The following SLC12A6 variants were observed in gnomAD, a reference collection of about 807,000 sequenced individuals.
SLC12A6 encodes the protein solute carrier family 12 member 6, also known as K-Cl cotransporter 3.
A neutral mutation model predicts 135.3 loss-of-function variants in SLC12A6; 66 were observed. The ratio of observed to expected loss-of-function variants is 0.49; its 90% confidence interval spans 0.40 to 0.60. The LOEUF (loss-of-function observed/expected upper bound fraction) is 0.60. Ranked by LOEUF, SLC12A6 falls within the 20% of genes least tolerant of loss-of-function variation. SLC12A6 has a pLI of 0.00. For missense variants in SLC12A6, 1,058 were observed against 1,452.3 expected (o/e 0.73, Z 4.41); for synonymous variants, 513 against 508.8 (o/e 1.01, Z -0.11).
intron 2 of SLC12A6, among the ~76,000 whole-genome samples, chr15:34,289,509 G>A (rs926085250): frequency 6.6e-6 from 1 of 152,118 alleles, no homozygotes; most frequent in Non-Finnish European, 1.5e-5. Context: ...GAGTTATGGA[G>A]GATTCCCTCT....
intron 18 of SLC12A6, 24 bp downstream of exon 18, chr15:34,241,209 T>G: frequency 8.5e-7 from 1 of 1,171,366 alleles, no homozygotes; most frequent in Non-Finnish European, 1.3e-6. Flanking sequence ...ATGTGCCAAA[T>G]ACTGCTAGTG....
intron 2 of SLC12A6, among the ~76,000 whole-genome samples, chr15:34,325,782 C>T (rs1889419576): frequency 6.6e-6 from 1 of 152,116 alleles, no homozygotes; most frequent in Non-Finnish European, 1.5e-5. Flanking sequence ...TATTTGAGTG[C>T]CCACTAAGTG....
chr15:34,267,519 A>T (rs1273581260), intron 3 of SLC12A6, among the ~76,000 whole-genome samples: 1 of 152,326 alleles, frequency 6.6e-6, no homozygotes, highest in African/African-American at 2.4e-5. Flanking sequence ...GCCTCTACTC[A>T]TTAGATGCCA....
chr15:34,301,242 G>A (rs1448651173), intron 2 of SLC12A6, among the ~76,000 whole-genome samples: 5 of 152,062 alleles, frequency 3.3e-5, no homozygotes, highest in South Asian at 2.1e-4. Flanking sequence ...CACCAGGCCC[G>A]GCCTCAACAT....
At chr15:34,267,790 C>T (rs1256133045) in intron 3 of SLC12A6, among the ~76,000 whole-genome samples, 1 of 152,180 alleles carries the variant, frequency 6.6e-6, no homozygotes, top group African/African-American at 2.4e-5. Flanking sequence ...ACTGTCCTTT[C>T]TCTCTGGCTG....
chr15:34,334,634 C>T (rs1890082278), intron 2 of SLC12A6, among the ~76,000 whole-genome samples: 1 of 152,090 alleles, frequency 6.6e-6, no homozygotes, highest in African/African-American at 2.4e-5. Context: ...GGGCAAAGTC[C>T]TCTCTAATGG....
chr15:34,255,513 C>A, intron 7 of SLC12A6, 121 bp from the exon 8 acceptor site: 1 of 740,082 alleles, frequency 1.4e-6, no homozygotes, highest in Non-Finnish European at 2.3e-6. Flanking sequence ...CTTCTGCAAA[C>A]CCTCAATGTG....
chr15:34,269,146 C>G (rs1313719568), intron 3 of SLC12A6, among the ~76,000 whole-genome samples: 1 of 152,198 alleles, frequency 6.6e-6, no homozygotes, highest in Non-Finnish European at 1.5e-5. Context: ...GTGTGAGCCA[C>G]TGCGCCCAGA....
At chr15:34,247,220 A>C (rs929615256) in intron 13 of SLC12A6, among the ~76,000 whole-genome samples, 9 of 152,190 alleles carry the variant, frequency 5.9e-5, no homozygotes, top group African/African-American at 2.2e-4. Context: ...TATCACACAC[A>C]AAAAGTAGTG....
intron 2 of SLC12A6, among the ~76,000 whole-genome samples, chr15:34,285,713 T>TACACACACACACACACACA (rs776596338): frequency 6.6e-5 from 3 of 45,164 alleles, no homozygotes; most frequent in African/African-American, 1.7e-4. Context: ...TGTGTGTGTG[T>TACACACACACACACACACA]TTGTCATACA....
At chr15:34,254,971 A>G (rs1892648853) in intron 8 of SLC12A6, among the ~76,000 whole-genome samples, 2 of 152,258 alleles carry the variant, frequency 1.3e-5, no homozygotes, top group Admixed American at 6.5e-5. Context: ...ATTTTATTTC[A>G]TAGGGATGAA....
In SLC12A6 at chr15:34,231,792, T is replaced by C. The variant is rs904695178; in HGVS notation, c.*2089A>G. 6.6e-6 allele frequency: 1 copy of C among 152,126 alleles called. No individual in the cohort carries two copies. The highest frequency in any genetic ancestry group is 1.5e-5 in the Non-Finnish European group (1 of 68,070). 9.4% of individuals were successfully genotyped at this position (152,126 alleles called of 1,614,324 possible). A position where few individuals can be genotyped will look rare whatever the true frequency, so the allele number is the denominator to read the frequency against. On this transcript the variant is annotated 3_prime_UTR_variant, in exon 26 of 26. Transcript: ENST00000354181. ...TTTTTGTAGAGACAGGGTTTCACCG[T>C]GTTAGCCAGGATGGTCTCAAATCTC... is the stretch of plus-strand genomic sequence containing the variant.
rs1456198966 is a variant in SLC12A6 at position 34,233,572 on chromosome 15, A to G, written c.*309T>C. On this transcript the variant is annotated 3_prime_UTR_variant, in exon 26 of 26. Transcript: ENST00000354181. ...TTTTTTCTTCAGTTGAATTTCTAGC[A>G]TCCCTTTTACCAATTCATTTATTGG... is the stretch of plus-strand genomic sequence containing the variant. 9 of 316,646 alleles carry G rather than the reference A, an allele frequency of 2.8e-5. No homozygotes were observed. Among genetic ancestry groups the G allele is most frequent in the Non-Finnish European group, 5.5e-5 (9 of 164,694 alleles). 19.6% of individuals were successfully genotyped at this position (316,646 alleles called of 1,614,324 possible).
rs201628991 is a variant in SLC12A6 at position 34,229,910 on chromosome 15, C to G, written c.*3971G>C. 4 of 847,588 alleles carry G rather than the reference C, an allele frequency of 4.7e-6. No individual in the cohort carries two copies. In the Admixed American group the frequency reaches 6.6e-5, roughly 14 times the overall value. The allele number at this position is 847,588 out of a possible 1,614,324, so 52.5% of individuals were successfully genotyped here. ...TTATGTTAAAAAGAACCAAAAGACTCTTTTCTCCATGGTGGGGTGACAGGT... is the reference window on the plus strand; with the variant it reads ...TTATGTTAAAAAGAACCAAAAGACTGTTTTCTCCATGGTGGGGTGACAGGT... On this transcript the variant is annotated 3_prime_UTR_variant, in exon 26 of 26. Transcript: ENST00000354181.
chr15:34,306,723 G>A (rs1896631862), intron 2 of SLC12A6, among the ~76,000 whole-genome samples: 2 of 152,216 alleles, frequency 1.3e-5, no homozygotes, highest in South Asian at 4.1e-4. Context: ...TGGCATGTAA[G>A]TCAAAAATTT....
intron 2 of SLC12A6, among the ~76,000 whole-genome samples, chr15:34,290,752 G>T (rs118160993): frequency 0.024 from 3,638 of 152,180 alleles, 149 homozygotes; most frequent in African/African-American, 0.084. Context: ...ATCTTTGTTG[G>T]TTTAAAGTCT....
chr15:34,314,363 T>C (rs1201436669), intron 2 of SLC12A6, among the ~76,000 whole-genome samples: 2 of 152,198 alleles, frequency 1.3e-5, no homozygotes, highest in African/African-American at 4.8e-5. Flanking sequence ...CCGAGTATTT[T>C]AAGCCCACTG....
chr15:34,260,444 G>A (rs942121210), intron 4 of SLC12A6, among the ~76,000 whole-genome samples: 4 of 151,668 alleles, frequency 2.6e-5, no homozygotes, highest in African/African-American at 9.8e-5. Flanking sequence ...AGTTTTAGTA[G>A]AGACGGGGTT....
Position 34,239,104 on chromosome 15 carries a change from C to T in SLC12A6, c.2493G>A (p.Val831=). The T allele has an allele frequency of 1.2e-6, 2 of 1,614,116 alleles. No individual in the cohort carries two copies. The highest frequency in any genetic ancestry group is 2.7e-5 in the African/African-American group (2 of 75,042). The change falls in exon 20 of 26, where the codon GTG becomes GTA. Residue 831 remains valine (V), a synonymous_variant. Coordinates refer to ENST00000354181, the MANE Select transcript of SLC12A6 (RefSeq NM_001365088.1). ...EKVKGFCQLV[V]AAKLREGISH... is the part of the protein sequence containing the mutation. ...AAATGCCCTCTCTCAGCTTGGCGGCCACCACCAGCTGGCAGAATCCTTTTA... is the reference window on the plus strand; with the variant it reads ...AAATGCCCTCTCTCAGCTTGGCGGCTACCACCAGCTGGCAGAATCCTTTTA...
Sources: gnomAD v4.1 joint callset for allele counts (sites outside exome capture counted in the v4.1 genomes callset) on GRCh38, gnomAD v4.1.1 for gene constraint, MANE v1.5 for transcripts, NCBI Gene and HGNC (gene_info 2026-07-23, HGNC 2026-07-21) for gene names.